Variants in GSDMA observed in about 807,000 individuals in gnomAD.
GSDMA encodes gasdermin A, also known as gasdermin-A.
Under a neutral mutation model 54.3 loss-of-function variants are expected in GSDMA, and 55 were observed. The ratio of observed to expected loss-of-function variants is 1.01; its 90% CI spans 0.82 to 1.27. The LOEUF (loss-of-function observed/expected upper bound fraction) is 1.27, where lower values mean the gene tolerates loss of function less well. GSDMA is among the 50% of genes most tolerant of loss of function. The probability of loss-of-function intolerance (pLI) is 0.00; values close to 1 mark genes in which losing one functional copy is unlikely to be tolerated. For synonymous variants in GSDMA, 211 were observed against 224.7 expected (o/e 0.94, Z 0.54); for missense variants, 542 against 542.6 (o/e 1.00, Z 0.01).
At chr17:39,967,782 C>A (rs1979735126) in intron 3 of GSDMA, among the ~76,000 whole-genome samples, 1 of 152,172 alleles carries the variant, frequency 6.6e-6, no homozygotes, top group African/African-American at 2.4e-5. Flanking sequence ...AAGCAATTCT[C>A]CTGCCTCAGC....
chr17:39,971,413 T>C, intron 4 of GSDMA, 111 bp from the exon 5 acceptor site: 1 of 728,520 alleles, frequency 1.4e-6, no homozygotes, highest in Middle Eastern at 2.4e-4. Context: ...TCCAGCTTCT[T>C]ATCTCCCTGA....
chr17:39,975,474 T>C (rs1980163769), intron 10 of GSDMA, among the ~76,000 whole-genome samples: 1 of 151,794 alleles, frequency 6.6e-6, no homozygotes, highest in Admixed American at 6.6e-5. Flanking sequence ...GTTTCATTCC[T>C]AAGGATTTGC....
intron 10 of GSDMA, among the ~76,000 whole-genome samples, chr17:39,975,464 G>T (rs924360373): frequency 1.4e-5 from 2 of 147,018 alleles, no homozygotes; most frequent in African/African-American, 5.0e-5. Flanking sequence ...AAAAAAATTG[G>T]TTTCATTCCT....
intron 2 of GSDMA, 38 bp from the exon 3 acceptor site, chr17:39,966,222 C>G: frequency 7.5e-6 from 12 of 1,609,266 alleles, no homozygotes; most frequent in Non-Finnish European, 9.3e-6. Context: ...TTACTGCACC[C>G]AGCCAGCCCA....
At chr17:39,965,936 C>T in intron 2 of GSDMA, 35 bp downstream of exon 2, 2 of 1,534,954 alleles carry the variant, frequency 1.3e-6, no homozygotes, top group Non-Finnish European at 1.8e-6. Context: ...CTGAGGGATA[C>T]TGAGGGACAG....
In GSDMA at chr17:39,975,959, T is replaced by C; in HGVS notation, c.1057T>C (p.Ser353Pro). The change falls in exon 11 of 12, where the codon TCC becomes CCC. Residue 353 changes from serine to proline, a missense_variant. Ser to Pro is a moderately conservative substitution (Grantham distance 74). Transcript: ENST00000301659. ...AGCCCAACAGAAGCTGCTGGTGAAA[T>C]CCATGGAGAAAAAGATCCTACCCGT... ...SEAQQKLLVKSMEKKILPVQL... is the reference protein window; with the variant it reads ...SEAQQKLLVKPMEKKILPVQL... 6.2e-7 allele frequency: 1 copy of C among 1,601,032 alleles called. No individual in the cohort carries two copies. Among genetic ancestry groups the C allele is most frequent in the African/African-American group, 1.3e-5 (1 of 74,794 alleles).
At chr17:39,966,708 T>G (rs1484196104) in intron 3 of GSDMA, among the ~76,000 whole-genome samples, 1 of 152,214 alleles carries the variant, frequency 6.6e-6, no homozygotes. Flanking sequence ...TAGCTTGCTG[T>G]GTGATCTTGG....
chr17:39,969,169 G>A (rs1007979111), intron 3 of GSDMA, among the ~76,000 whole-genome samples: 6 of 151,980 alleles, frequency 3.9e-5, no homozygotes, highest in Admixed American at 3.3e-4. Context: ...CTGGGCAAGA[G>A]AGTGAAACCC....
chr17:39,971,600 T>C lies in GSDMA; in HGVS notation c.635T>C (p.Val212Ala), dbSNP rs748286782. The change falls in exon 5 of 12, where the codon GTC becomes GCC. Residue 212 changes from valine (V) to alanine (A), a missense_variant. Transcript: ENST00000301659. ...GCCTTTCGAGTGAGACAGCTGATGG[T>C]CAAAGGCAAAGATGAGTGGGGTGAG... ...VLAFRVRQLM[V>A]KGKDEWDIPH... The C allele has an allele frequency of 1.9e-6, 3 of 1,613,734 alleles. No individual in the cohort carries two copies. The highest frequency in any genetic ancestry group is 2.2e-5 in the South Asian group (2 of 91,076).
chr17:39,977,286 T>C lies in GSDMA; in HGVS notation c.*228T>C, dbSNP rs1314528286. 5.2e-5 allele frequency: 16 copies of C among 306,258 alleles called. 1 individual carries two copies. Among genetic ancestry groups the C allele is most frequent in the Non-Finnish European group, 9.0e-5 (16 of 177,748 alleles). The allele number at this position is 306,258 out of a possible 1,614,324, so 19.0% of individuals were successfully genotyped here. A position where few individuals can be genotyped will look rare whatever the true frequency, so the allele number is the denominator to read the frequency against. On this transcript the variant is annotated 3_prime_UTR_variant, in exon 12 of 12. Transcript: ENST00000301659. ...CTGATGCTTAAATTTTCTTTACTTTTCTTTTCTTTTTTTTTTTTTTTTTGA... is the reference window on the plus strand; with the variant it reads ...CTGATGCTTAAATTTTCTTTACTTTCCTTTTCTTTTTTTTTTTTTTTTTGA...
At chr17:39,969,683 G>A (rs563614147) in intron 3 of GSDMA, among the ~76,000 whole-genome samples, 1 of 151,998 alleles carries the variant, frequency 6.6e-6, no homozygotes, top group East Asian at 1.9e-4. Flanking sequence ...GGAAATACAA[G>A]GCAAATTATA....
In GSDMA at chr17:39,966,251, C is replaced by T. The variant is rs752570119; in HGVS notation, c.215-9C>T. On this transcript the variant is annotated splice_polypyrimidine_tract_variant and intron_variant, in intron 2 of 11. Coordinates refer to ENST00000301659, the MANE Select transcript of GSDMA (RefSeq NM_178171.5). ...CAGCCCAGCCCCTTTTGTCTTTTCC[C>T]TCCTGCAGACCCAACAGACACTGGG... 4 of 1,613,722 alleles carry T rather than the reference C, an allele frequency of 2.5e-6. No individual in the cohort carries two copies. The highest frequency in any genetic ancestry group is 2.2e-5 in the East Asian group (1 of 44,878).
In GSDMA at chr17:39,972,142, C is replaced by G; in HGVS notation, c.669C>G (p.Ile223Met). 1 of 977,198 alleles carries G rather than the reference C, an allele frequency of 1.0e-6. No homozygotes were observed. The highest frequency in any genetic ancestry group is 1.5e-6 in the Non-Finnish European group (1 of 678,356). The allele number at this position is 977,198 out of a possible 1,614,324, so 60.5% of individuals were successfully genotyped here. ...TGCCCTTCACAGATATTCCACATAT[C>G]TGCAATGATAACATGCAAACCTTCC... ...KGKDEWDIPH[I>M]CNDNMQTFPP... is the part of the protein sequence containing the mutation. Residue 223 changes from isoleucine (I) to methionine (M), a missense_variant, in exon 6 of 12, where the codon ATC (isoleucine) becomes ATG (methionine). Transcript: ENST00000301659.
chr17:39,972,100 T>TGGGGC, intron 5 of GSDMA, 29 bp from the exon 6 acceptor site: 2 of 835,082 alleles, frequency 2.4e-6, no homozygotes. Context: ...CTAAGTGTCC[T>TGGGGC]CCCACCCTCC....
rs994591687 is a variant in GSDMA at position 39,965,705 on chromosome 17, T to C, written c.18T>C (p.Asn6=). The C allele has an allele frequency of 3.1e-6, 5 of 1,607,342 alleles. No individual in the cohort carries two copies. The highest frequency in any genetic ancestry group is 4.2e-6 in the Non-Finnish European group (5 of 1,177,152). The change falls in exon 2 of 12, where the codon AAT becomes AAC. Residue 6 remains asparagine, a synonymous_variant. Transcript: ENST00000301659. MTMFE[N]VTRALARQLN... is the part of the protein sequence containing the mutation. ...CAGAGACAATGACCATGTTTGAAAA[T>C]GTCACCCGGGCCCTGGCCAGACAGC...
intron 9 of GSDMA, 66 bp downstream of exon 9, chr17:39,974,493 C>T (rs79310476): frequency 1.1e-5 from 10 of 929,566 alleles, no homozygotes; most frequent in East Asian, 3.9e-5. Flanking sequence ...TTGGTGGGGG[C>T]GGGTATTGCA....
chr17:39,971,484 G>C (rs1394939873), intron 4 of GSDMA, 40 bp from the exon 5 acceptor site: 1 of 1,507,878 alleles, frequency 6.6e-7, no homozygotes, highest in African/African-American at 1.4e-5. Flanking sequence ...TCATACTTAA[G>C]ATGTCCAGAG....
rs1259043382 is a variant in GSDMA at position 39,977,623 on chromosome 17, C to CA, written c.*566dup. 2 of 151,604 alleles carry CA rather than the reference C, an allele frequency of 1.3e-5. No individual in the cohort carries two copies. The highest frequency in any genetic ancestry group is 2.9e-5 in the Non-Finnish European group (2 of 67,954). 9.4% of individuals were successfully genotyped at this position (151,604 alleles called of 1,614,324 possible). ...TAAATATTCTAGGAGTAGAAGCACTCAGACTTTTAAAACTATGAGCCGTTT... is the reference window on the plus strand; with the variant it reads ...TAAATATTCTAGGAGTAGAAGCACTCAAGACTTTTAAAACTATGAGCCGTTT... On this transcript the variant is annotated 3_prime_UTR_variant, in exon 12 of 12. Coordinates refer to ENST00000301659, the MANE Select transcript of GSDMA (RefSeq NM_178171.5).
chr17:39,971,514 C>T lies in GSDMA; in HGVS notation c.559-10C>T. The stretch of plus-strand genomic sequence containing the variant: ...CCAGAGATTCACAAATTCTCATTGT[C>T]TAATTCTAGGGATCCATAAATCACA... On this transcript the variant is annotated splice_polypyrimidine_tract_variant and intron_variant, in intron 4 of 11. Transcript: ENST00000301659. 1 of 1,605,822 alleles carries T rather than the reference C, an allele frequency of 6.2e-7. No individual in the cohort carries two copies. The highest frequency in any genetic ancestry group is 8.5e-7 in the Non-Finnish European group (1 of 1,172,578).
Sources: gnomAD v4.1 joint callset for allele counts (sites outside exome capture counted in the v4.1 genomes callset) on GRCh38, gnomAD v4.1.1 for gene constraint, MANE v1.5 for transcripts, NCBI Gene and HGNC (gene_info 2026-07-23, HGNC 2026-07-21) for gene names.